Variants in AGBL5 observed in about 807,000 individuals in gnomAD.
AGBL5 encodes AGBL carboxypeptidase 5.
In AGBL5, 51 loss-of-function variants were observed where a neutral mutation model predicts 88.0. That is an observed-to-expected ratio of 0.58 (90% CI 0.46 to 0.73). The LOEUF is 0.73. Ranked by LOEUF, AGBL5 falls within the 30% of genes least tolerant of loss-of-function variation. The pLI, the probability that AGBL5 is intolerant of heterozygous loss-of-function variation, is 0.00. For missense variants in AGBL5, 1,031 were observed against 1,162.2 expected (o/e 0.89, Z 1.64); for synonymous variants, 446 against 438.8 (o/e 1.02, Z -0.21).
intron 1 of AGBL5, among the ~76,000 whole-genome samples, 198 bp from the exon 2 acceptor site, chr2:27,052,715 A>G (rs1668220304): frequency 6.6e-6 from 1 of 152,156 alleles, no homozygotes; most frequent in African/African-American, 2.4e-5. Flanking sequence ...GTCATTTACA[A>G]CCCTTAGTGT....
rs773888903 is a variant in AGBL5 at position 27,056,718 on chromosome 2, A to G, written c.1461A>G (p.Arg487=). Residue 487 remains arginine, a synonymous_variant, in exon 8 of 15, where the codon CGA becomes CGG. Transcript: ENST00000360131. ...CNFSEKNMYA[R]DRRDGQSKEG... ...TCTCAGAGAAGAATATGTATGCCCG[A>G]GACCGTAGAGATGGCCAGTCTAAAG... is the stretch of plus-strand genomic sequence containing the variant. The G allele has an allele frequency of 6.2e-7, 1 of 1,613,970 alleles. No homozygotes were observed. Among genetic ancestry groups the G allele is most frequent in the Non-Finnish European group, 8.5e-7 (1 of 1,179,884 alleles).
chr2:27,061,817 T>C (rs1572826995), intron 11 of AGBL5: 1 of 147,696 alleles, frequency 6.8e-6, no homozygotes, highest in Non-Finnish European at 1.5e-5. Context: ...AGGCCCCTCT[T>C]TTTTTTTTTT....
At chr2:27,063,050 C>G (rs1668793969) in intron 11 of AGBL5, 1 of 152,176 alleles carries the variant, frequency 6.6e-6, no homozygotes, top group Non-Finnish European at 1.5e-5. Context: ...GTGAGATGAC[C>G]AGAGCCAATA....
At chr2:27,054,868 T>C (rs996914534) in intron 5 of AGBL5, 61 bp downstream of exon 5, 1 of 1,567,174 alleles carries the variant, frequency 6.4e-7, no homozygotes, top group Admixed American at 1.8e-5. Context: ...GTACTGTTTA[T>C]AGCTAAAGAC....
At chr2:27,062,336 G>A (rs1558421184) in intron 11 of AGBL5, 1 of 151,904 alleles carries the variant, frequency 6.6e-6, no homozygotes, top group East Asian at 1.9e-4. Context: ...ATGTCGGTCA[G>A]GCTGGTCTTG....
chr2:27,059,174 A>G lies in AGBL5; in HGVS notation c.1875-16A>G. ...ACCTTCCTGGCCCGGGTTAACTGGC[A>G]TCTGCTTCTTTGCAGTGGGTTGCCT... is the stretch of plus-strand genomic sequence containing the variant. On this transcript the variant is annotated splice_polypyrimidine_tract_variant and intron_variant, in intron 10 of 14. Coordinates refer to ENST00000360131, the MANE Select transcript of AGBL5 (RefSeq NM_021831.6). 1 of 1,609,960 alleles carries G rather than the reference A, an allele frequency of 6.2e-7. No homozygotes were observed. Among genetic ancestry groups the G allele is most frequent in the Middle Eastern group, 1.7e-4 (1 of 6,026 alleles).
intron 7 of AGBL5, 188 bp downstream of exon 7, chr2:27,056,326 A>T: frequency 1.6e-6 from 1 of 643,584 alleles, no homozygotes. Flanking sequence ...CAATTGTTAC[A>T]TCATGACCTT....
Position 27,070,194 on chromosome 2 carries a change from T to TC in AGBL5, c.2595dup (p.Gln868ProfsTer3). The TC allele has an allele frequency of 1.2e-6, 2 of 1,614,142 alleles. No homozygotes were observed. Among genetic ancestry groups the TC allele is most frequent in the Non-Finnish European group, 1.7e-6 (2 of 1,180,016 alleles). On this transcript the variant is annotated frameshift_variant, in exon 15 of 15. Transcript: ENST00000360131. LOFTEE classifies it high-confidence loss of function. ...CATCCTGGAATTGTTACAGCAGGGG[T>TC]CCCTTGGGCCAACCTGAGGTTTGTT...
At chr2:27,057,261 A>G in intron 8 of AGBL5, 42 bp from the exon 9 acceptor site, 2 of 1,580,976 alleles carry the variant, frequency 1.3e-6, no homozygotes, top group Non-Finnish European at 1.7e-6. Flanking sequence ...CTGTCCTGGT[A>G]TCTGTTCAGG....
intron 6 of AGBL5, 112 bp downstream of exon 6, chr2:27,055,365 T>A: frequency 7.3e-7 from 1 of 1,375,974 alleles, no homozygotes; most frequent in Non-Finnish European, 1.0e-6. Context: ...TCTTGCACCC[T>A]AATAAAGGCA....
Position 27,054,710 on chromosome 2 carries a change from C to A in AGBL5, c.632C>A (p.Thr211Asn). 6.5e-7 allele frequency: 1 copy of A among 1,543,450 alleles called. No homozygotes were observed. The highest frequency in any genetic ancestry group is 8.7e-7 in the Non-Finnish European group (1 of 1,143,346). The change falls in exon 5 of 15, where the codon ACT (threonine) becomes AAT (asparagine). Residue 211 changes from threonine to asparagine, a missense_variant. Thr to Asn is a moderately conservative substitution (Grantham distance 65). Coordinates refer to ENST00000360131, the MANE Select transcript of AGBL5 (RefSeq NM_021831.6). ...CTTCGTGTAGATCTGCTGACGATCACTTCCTGCCATGGGCTTCGAGAAGAT... is the reference window on the plus strand; with the variant it reads ...CTTCGTGTAGATCTGCTGACGATCAATTCCTGCCATGGGCTTCGAGAAGAT... ...DGLRVDLLTITSCHGLREDRE... is the reference protein window; with the variant it reads ...DGLRVDLLTINSCHGLREDRE...
intron 8 of AGBL5, 167 bp from the exon 9 acceptor site, chr2:27,057,136 A>G (rs935122584): frequency 4.3e-6 from 3 of 690,738 alleles, no homozygotes; most frequent in Non-Finnish European, 7.0e-6. Flanking sequence ...CTCTGGGTAT[A>G]TGGTACAGTA....
intron 11 of AGBL5, among the ~76,000 whole-genome samples, chr2:27,063,508 T>C (rs1645515278): frequency 6.7e-6 from 1 of 149,704 alleles, no homozygotes; most frequent in Non-Finnish European, 1.5e-5. Flanking sequence ...GGCAGGAGAA[T>C]GGCGTGAACC....
rs1668266711 is a variant in AGBL5 at position 27,053,280 on chromosome 2, C to T, written c.215+107C>T. On this transcript the variant is annotated intron_variant, in intron 2 of 14. Coordinates refer to ENST00000360131, the MANE Select transcript of AGBL5 (RefSeq NM_021831.6). This position sits in a 1 kb window ranked among gnomAD's most constrained non-coding sequence, Gnocchi z 4.9. ...GCATACTCCCTGTCCATTTCTGACC[C>T]ATCGTCCCTCCTTTCTCCTTGCCAA... is the stretch of plus-strand genomic sequence containing the variant. 8 of 1,518,390 alleles carry T rather than the reference C, an allele frequency of 5.3e-6. No homozygotes were observed. The South Asian group carries it at 6.4e-5, about 12-fold the overall frequency. 94.1% of individuals were successfully genotyped at this position (1,518,390 alleles called of 1,614,324 possible).
intron 7 of AGBL5, chr2:27,056,415 G>A (rs186536654): frequency 2.5e-4 from 156 of 615,224 alleles, no homozygotes; most frequent in Non-Finnish European, 3.1e-4. Flanking sequence ...TTGTTGGAGG[G>A]AGGAAGCTAA....
At position 27,052,963 on chromosome 2, in the gene AGBL5, A is replaced by C. The variant is rs1668242693; in HGVS notation, c.5A>C (p.Glu2Ala). 1 of 1,598,564 alleles carries C rather than the reference A, an allele frequency of 6.3e-7. No homozygotes were observed. The highest frequency in any genetic ancestry group is 1.3e-5 in the African/African-American group (1 of 74,680). The change falls in exon 2 of 15, where the codon GAG becomes GCG. Residue 2 changes from glutamate (E) to alanine (A), a missense_variant. Glu to Ala is a moderately radical substitution (Grantham distance 107). Transcript: ENST00000360131. Reference protein sequence around the residue: MELRCGGLLFSS... With the variant: MALRCGGLLFSS... ...GGATGCTTTCCCAGCCCCACCATGGAGCTGCGCTGTGGGGGATTGCTGTTC... is the reference window on the plus strand; with the variant it reads ...GGATGCTTTCCCAGCCCCACCATGGCGCTGCGCTGTGGGGGATTGCTGTTC...
intron 11 of AGBL5, among the ~76,000 whole-genome samples, chr2:27,060,830 T>C (rs1316895021): frequency 6.6e-6 from 1 of 152,250 alleles, no homozygotes; most frequent in East Asian, 1.9e-4. Context: ...TAATGCCTTA[T>C]GTTTACATAG....
intron 7 of AGBL5, 120 bp from the exon 8 acceptor site, chr2:27,056,503 G>A: frequency 2.3e-6 from 2 of 884,628 alleles, no homozygotes; most frequent in East Asian, 2.5e-5. Flanking sequence ...ACTGATTACT[G>A]TTAATGGTTG....
rs1301560632 is a variant in AGBL5, at chr2:27,067,512, G to A, written c.2108G>A (p.Arg703Lys). 24 of 1,613,978 alleles carry A rather than the reference G, an allele frequency of 1.5e-5. No individual in the cohort carries two copies. The highest frequency in any genetic ancestry group is 1.8e-5 in the Non-Finnish European group (21 of 1,180,016). Residue 703 changes from arginine (R) to lysine (K), a missense_variant, in exon 12 of 15, where the codon AGG (arginine) becomes AAG (lysine). Transcript: ENST00000360131. ...CACTCAGAGCCCCGAAGCCAGGACA[G>A]GAGACGGCAGCAGCAGCCCCTGAAC... is the stretch of plus-strand genomic sequence containing the variant. ...GPVREPRSQD[R>K]RRQQQPLNHR...
Sources: allele counts gnomAD v4.1 joint callset (sites outside exome capture counted in the v4.1 genomes callset), GRCh38; gene constraint gnomAD v4.1.1; non-coding constraint Gnocchi (gnomAD v3.1); transcripts MANE v1.5; gene names NCBI Gene and HGNC (gene_info 2026-07-23, HGNC 2026-07-21).